The following DLGAP5 variants were observed in gnomAD, a reference collection of about 807,000 sequenced individuals.
DLGAP5 encodes DLG associated protein 5, also known as disks large-associated protein 5.
In DLGAP5, 90 loss-of-function variants were observed where a neutral mutation model predicts 99.6. That is an observed-to-expected ratio of 0.90 (90% CI 0.76 to 1.08). DLGAP5 has a LOEUF of 1.08. DLGAP5 is among the 50% of genes least tolerant of loss of function. The pLI, the probability that DLGAP5 is intolerant of heterozygous loss-of-function variation, is 0.00. For missense variants in DLGAP5, 1,036 were observed against 983.5 expected (o/e 1.05, Z -0.71); for synonymous variants, 311 against 321.3 (o/e 0.97, Z 0.34).
chr14:55,152,604 T>C lies in DLGAP5; in HGVS notation c.2107A>G (p.Ile703Val). The C allele has an allele frequency of 1.9e-6, 3 of 1,602,562 alleles. No homozygotes were observed. Among genetic ancestry groups the C allele is most frequent in the Non-Finnish European group, 2.6e-6 (3 of 1,175,386 alleles). Reference sequence around the variant, plus strand: ...ATTGTACTTACATGATTTTCTTCAATTAAATCTGGTAATCCAGGACACTGA... The same window carrying C: ...ATTGTACTTACATGATTTTCTTCAACTAAATCTGGTAATCCAGGACACTGA... The part of the protein sequence containing the change: ...DAQCPGLPDL[I>V]EENHVVNKTD... The change falls in exon 16 of 19, where the codon ATT (isoleucine) becomes GTT (valine). Residue 703 changes from isoleucine to valine, a missense_variant. Physicochemically the swap from Ile to Val is conservative, Grantham distance 29 (BLOSUM62 3). Coordinates refer to ENST00000247191, the MANE Select transcript of DLGAP5 (RefSeq NM_014750.5).
rs1405775859 is a variant in DLGAP5 at position 55,181,208 on chromosome 14, C to T, written c.580+5G>A. On this transcript the variant is annotated splice_donor_5th_base_variant and intron_variant, in intron 5 of 18. Coordinates refer to ENST00000247191, the MANE Select transcript of DLGAP5 (RefSeq NM_014750.5). ...AGGATTTATAGTAATTGCTAATATT[C>T]CTACCTTTTTTCTCTTTGTCTGACA... 6.2e-7 allele frequency: 1 copy of T among 1,612,720 alleles called. No individual in the cohort carries two copies. Among genetic ancestry groups the T allele is most frequent in the Admixed American group, 1.7e-5 (1 of 59,788 alleles).
chr14:55,169,439 C>T lies in DLGAP5; in HGVS notation c.1508G>A (p.Cys503Tyr). 6.2e-7 allele frequency: 1 copy of T among 1,606,026 alleles called. No individual in the cohort carries two copies. The stretch of plus-strand genomic sequence containing the variant: ...ATCCCAAAATCCATCCAGATCTGTA[C>T]AGGTAGTCTCCTTTATACCTCGTTT... ...EYKRGIKETT[C>Y]TDLDGFWDMV... Residue 503 changes from cysteine (C) to tyrosine (Y), a missense_variant, in exon 12 of 19, where the codon TGT (cysteine) becomes TAT (tyrosine). By Grantham distance (194) the Cys-to-Tyr change is radical. Coordinates refer to ENST00000247191, the MANE Select transcript of DLGAP5 (RefSeq NM_014750.5).
At chr14:55,179,917 A>G (rs934713173) in intron 6 of DLGAP5, among the ~76,000 whole-genome samples, 1 of 152,168 alleles carries the variant, frequency 6.6e-6, no homozygotes, top group Non-Finnish European at 1.5e-5. Context: ...TGAATACCAA[A>G]TACAGATTGA....
chr14:55,190,506 G>C (rs746088667), intron 1 of DLGAP5, among the ~76,000 whole-genome samples: 29 of 152,136 alleles, frequency 1.9e-4, no homozygotes, highest in Admixed American at 3.9e-4. Context: ...CCAAACTGGA[G>C]AAAGGATACT....
At chr14:55,148,698 A>G in intron 18 of DLGAP5, 1 of 745,762 alleles carries the variant, frequency 1.3e-6, no homozygotes, top group Non-Finnish European at 2.2e-6. Context: ...AAAAACAAAC[A>G]AACAAGAAAC....
intron 16 of DLGAP5, 139 bp downstream of exon 16, chr14:55,152,451 T>C (rs1357074626): frequency 2.0e-5 from 12 of 587,700 alleles, no homozygotes; most frequent in Admixed American, 3.7e-5. Context: ...CCAAATGTCA[T>C]TGAAACAAGA....
At chr14:55,152,911 C>A (rs1376593897) in intron 15 of DLGAP5, among the ~76,000 whole-genome samples, 1 of 152,160 alleles carries the variant, frequency 6.6e-6, no homozygotes, top group African/African-American at 2.4e-5. Context: ...GCTCTACCAG[C>A]AATACTCTGA....
At chr14:55,160,721 G>C (rs1425764663) in intron 13 of DLGAP5, among the ~76,000 whole-genome samples, 1 of 152,070 alleles carries the variant, frequency 6.6e-6, no homozygotes, top group Non-Finnish European at 1.5e-5. Context: ...GGGATTACAG[G>C]CTTAAGCCAC....
chr14:55,169,555 T>G lies in DLGAP5; in HGVS notation c.1392A>C (p.Lys464Asn), dbSNP rs1460265736. The G allele has an allele frequency of 6.3e-7, 1 of 1,582,226 alleles. No homozygotes were observed. Among genetic ancestry groups the G allele is most frequent in the Non-Finnish European group, 8.5e-7 (1 of 1,171,408 alleles). The change falls in exon 12 of 19, where the codon AAA (lysine) becomes AAC (asparagine). Residue 464 changes from lysine to asparagine, a missense_variant. By Grantham distance (94) the Lys-to-Asn change is moderately conservative (BLOSUM62 0). Transcript: ENST00000247191. Reference protein sequence around the residue: ...KLELDIPDDAKDLIRTAVGQT... With the variant: ...KLELDIPDDANDLIRTAVGQT... ...GACCAACTGCTGTGCGAATAAGATC[T>G]TTAGCTGAAGGAAATAAGAGATTTT...
At chr14:55,181,529 A>T (rs1325008909) in intron 4 of DLGAP5, among the ~76,000 whole-genome samples, 1 of 152,176 alleles carries the variant, frequency 6.6e-6, no homozygotes, top group African/African-American at 2.4e-5. Flanking sequence ...CTAATAACCC[A>T]AGCTATTAAA....
Position 55,158,588 on chromosome 14 carries a change from C to T in DLGAP5, c.1807G>A (p.Glu603Lys), listed in dbSNP as rs1265329938. 3 of 1,614,104 alleles carry T rather than the reference C, an allele frequency of 1.9e-6. No homozygotes were observed. The highest frequency in any genetic ancestry group is 1.7e-6 in the Non-Finnish European group (2 of 1,180,006). ...GCATCGAACACTATTTTATCAACTT[C>T]CTTTGGTATCACAGAAACTGCTGTT... ...AETAVSVIPK[E>K]VDKIVFDAGF... is the part of the protein sequence containing the mutation. Residue 603 changes from glutamate (E) to lysine (K), a missense_variant, in exon 14 of 19, where the codon GAA (glutamate) becomes AAA (lysine). Physicochemically the swap from Glu to Lys is moderately conservative, Grantham distance 56. Transcript: ENST00000247191.
intron 16 of DLGAP5, 135 bp from the exon 17 acceptor site, chr14:55,152,076 C>A: frequency 1.3e-6 from 1 of 787,058 alleles, no homozygotes; most frequent in Non-Finnish European, 2.0e-6. Context: ...CATTATAAAT[C>A]CTACTATCCT....
At chr14:55,181,479 A>AGCTTACAT (rs1418412326) in intron 4 of DLGAP5, among the ~76,000 whole-genome samples, 182 bp from the exon 5 acceptor site, 1 of 152,240 alleles carries the variant, frequency 6.6e-6, no homozygotes, top group East Asian at 1.9e-4. Flanking sequence ...CTTCCAAAAA[A>AGCTTACAT]GCTTACATCC....
chr14:55,154,493 T>C (rs1301419131), intron 15 of DLGAP5, 124 bp downstream of exon 15: 2 of 767,732 alleles, frequency 2.6e-6, no homozygotes, highest in African/African-American at 1.8e-5. Flanking sequence ...ACTGCCTATA[T>C]GTTGCAGGGT....
chr14:55,166,510 A>G (rs1882648059), intron 12 of DLGAP5, among the ~76,000 whole-genome samples: 1 of 152,026 alleles, frequency 6.6e-6, no homozygotes, highest in Admixed American at 6.6e-5. Flanking sequence ...CGGGTGGATC[A>G]CTTGAGGTCA....
chr14:55,148,837 C>T (rs1047439211), intron 18 of DLGAP5, among the ~76,000 whole-genome samples: 1 of 151,816 alleles, frequency 6.6e-6, no homozygotes, highest in Admixed American at 6.6e-5. Context: ...AATATATGTA[C>T]AAAAATGTGA....
At chr14:55,176,956 C>T (rs1168709629) in intron 8 of DLGAP5, 106 bp downstream of exon 8, 46 of 965,592 alleles carry the variant, frequency 4.8e-5, no homozygotes, top group African/African-American at 1.2e-4. Flanking sequence ...CCAGCCTGGG[C>T]GACAGAGCGA....
At chr14:55,181,088 C>T in intron 5 of DLGAP5, 125 bp downstream of exon 5, 1 of 961,972 alleles carries the variant, frequency 1.0e-6, no homozygotes, top group African/African-American at 1.6e-5. Context: ...GCACTCCAAC[C>T]TGGGCAACAG....
intron 8 of DLGAP5, 119 bp from the exon 9 acceptor site, chr14:55,176,137 T>A (rs1883054475): frequency 3.4e-6 from 3 of 884,294 alleles, no homozygotes; most frequent in South Asian, 2.4e-5. Flanking sequence ...TCTATTTTTT[T>A]AAAATGTGTA....
Sources: gnomAD v4.1 joint callset for allele counts (sites outside exome capture counted in the v4.1 genomes callset) on GRCh38, gnomAD v4.1.1 for gene constraint, MANE v1.5 for transcripts, NCBI Gene and HGNC (gene_info 2026-07-23, HGNC 2026-07-21) for gene names.